The following RBFOX1 variants were observed in gnomAD, a reference collection of about 807,000 sequenced individuals.
RBFOX1 encodes the protein RNA binding fox-1 homolog 1.
In RBFOX1, 8 loss-of-function variants were observed where a neutral mutation model predicts 57.7. The observed-to-expected ratio is 0.14, with a 90% confidence interval of 0.08 to 0.25. The LOEUF (loss-of-function observed/expected upper bound fraction) is 0.25. Ranked by LOEUF, RBFOX1 falls within the 10% of genes least tolerant of loss-of-function variation. The pLI is 1.00. For synonymous variants in RBFOX1, 326 were observed against 222.4 expected (o/e 1.47, Z -4.15); for missense variants, 611 against 548.5 (o/e 1.11, Z -1.14).
chr16:5,673,985 A>T (rs1264388757), intron 3 of RBFOX1, among the ~76,000 whole-genome samples: 2 of 152,238 alleles, frequency 1.3e-5, no homozygotes, highest in Non-Finnish European at 2.9e-5. Context: ...AGGAAAGATA[A>T]CAAGTGCTTC....
chr16:5,303,919 G>T (rs1252843403), intron 1 of RBFOX1, among the ~76,000 whole-genome samples: 4 of 152,134 alleles, frequency 2.6e-5, no homozygotes, highest in Non-Finnish European at 1.5e-5. Context: ...ACAAGGCACC[G>T]TGGGAGTACC....
intron 3 of RBFOX1, among the ~76,000 whole-genome samples, chr16:6,973,774 T>A (rs979087565): frequency 6.6e-6 from 1 of 152,138 alleles, no homozygotes. Flanking sequence ...ACCGGTAGTT[T>A]TTAATTTTTA....
chr16:6,503,729 T>A (rs2096007851), intron 2 of RBFOX1, among the ~76,000 whole-genome samples: 1 of 152,188 alleles, frequency 6.6e-6, no homozygotes, highest in Non-Finnish European at 1.5e-5. Context: ...TGATGTCTAC[T>A]GGACCAAATC....
chr16:7,054,388 C>T (rs1280832674), intron 4 of RBFOX1, among the ~76,000 whole-genome samples: 4 of 151,608 alleles, frequency 2.6e-5, no homozygotes, highest in South Asian at 2.1e-4. Context: ...TACAGGCACG[C>T]GCCACCACGC....
chr16:7,289,677 C>T (rs1603503850), intron 4 of RBFOX1, among the ~76,000 whole-genome samples: 1 of 152,150 alleles, frequency 6.6e-6, no homozygotes, highest in Non-Finnish European at 1.5e-5. Flanking sequence ...TCATCATTAT[C>T]ACAATTATCC....
At chr16:5,586,787 A>G (rs1268201860) in intron 2 of RBFOX1, among the ~76,000 whole-genome samples, 1 of 152,208 alleles carries the variant, frequency 6.6e-6, no homozygotes, top group Admixed American at 6.5e-5. Flanking sequence ...GTAAGCCACC[A>G]TGGCTGGCCC....
chr16:6,525,285 C>G (rs2096563001), intron 2 of RBFOX1, among the ~76,000 whole-genome samples: 1 of 152,178 alleles, frequency 6.6e-6, no homozygotes, highest in Non-Finnish European at 1.5e-5. Context: ...TTATCAAATC[C>G]TAAACTTACT....
At chr16:7,518,415 G>A (rs370248509) in intron 5 of RBFOX1, 26 bp downstream of exon 5, 123 of 1,589,568 alleles carry the variant, frequency 7.7e-5, no homozygotes, top group Non-Finnish European at 1.0e-4. Flanking sequence ...TGCTACGGGT[G>A]GGAGGTTATG....
intron 4 of RBFOX1, among the ~76,000 whole-genome samples, chr16:5,917,229 C>G (rs1386628727): frequency 6.6e-6 from 1 of 152,150 alleles, no homozygotes; most frequent in East Asian, 1.9e-4. Flanking sequence ...AGAGGAGAGA[C>G]TTGCTAAAGG....
chr16:5,695,795 G>T (rs73516392), intron 3 of RBFOX1, among the ~76,000 whole-genome samples: 8,128 of 152,200 alleles, frequency 0.053, 732 homozygotes, highest in African/African-American at 0.19. Context: ...ACATTTAGAT[G>T]CTCTTCTAAA....
At chr16:6,901,380 A>G (rs2068446693) in intron 3 of RBFOX1, among the ~76,000 whole-genome samples, 1 of 152,182 alleles carries the variant, frequency 6.6e-6, no homozygotes, top group Admixed American at 6.5e-5. Context: ...GTGCAAAATC[A>G]AAGTGAACAG....
chr16:6,535,131 T>G (rs1196316643), intron 2 of RBFOX1, among the ~76,000 whole-genome samples: 2 of 152,154 alleles, frequency 1.3e-5, no homozygotes, highest in African/African-American at 4.8e-5. Context: ...CAACTGCAGT[T>G]AGAGTGGAAA....
intron 3 of RBFOX1, among the ~76,000 whole-genome samples, chr16:5,778,092 CAT>C (rs1355890092): frequency 2.0e-5 from 3 of 152,116 alleles, no homozygotes; most frequent in Non-Finnish European, 4.4e-5. Flanking sequence ...GGTGGATCCT[CAT>C]TCCAGCTTTG....
chr16:6,578,498 A>G (rs1407196518), intron 2 of RBFOX1, among the ~76,000 whole-genome samples: 1 of 151,788 alleles, frequency 6.6e-6, no homozygotes, highest in African/African-American at 2.4e-5. Flanking sequence ...CCATGGTAAA[A>G]TGAAGCTGTG....
intron 4 of RBFOX1, among the ~76,000 whole-genome samples, chr16:7,477,322 T>C (rs557989303): frequency 6.6e-6 from 1 of 152,312 alleles, no homozygotes; most frequent in East Asian, 1.9e-4. Flanking sequence ...ATCATCTATT[T>C]CAGTTTGTAT....
chr16:6,550,606 A>G (rs1057248317), intron 2 of RBFOX1, among the ~76,000 whole-genome samples: 2 of 152,310 alleles, frequency 1.3e-5, no homozygotes, highest in Non-Finnish European at 2.9e-5. Flanking sequence ...GATTACAGGC[A>G]TGTGCCACTG....
intron 3 of RBFOX1, among the ~76,000 whole-genome samples, chr16:6,691,361 C>T (rs561439749): frequency 6.6e-6 from 1 of 152,152 alleles, no homozygotes; most frequent in Non-Finnish European, 1.5e-5. Context: ...TGCCATCATT[C>T]TTCACTCTTC....
At chr16:7,401,180 T>C (rs1224872582) in intron 4 of RBFOX1, among the ~76,000 whole-genome samples, 1 of 152,226 alleles carries the variant, frequency 6.6e-6, no homozygotes, top group African/African-American at 2.4e-5. Flanking sequence ...AAATGTATCT[T>C]CATTGCATTT....
At chr16:6,176,751 G>C (rs1217267466) in intron 1 of RBFOX1, among the ~76,000 whole-genome samples, 1 of 151,450 alleles carries the variant, frequency 6.6e-6, no homozygotes, top group African/African-American at 2.4e-5. Flanking sequence ...GCTAAAACCA[G>C]ATAAACATGT....
Sources: allele counts gnomAD v4.1 joint callset (sites outside exome capture counted in the v4.1 genomes callset), GRCh38; gene constraint gnomAD v4.1.1; transcripts MANE v1.5; gene names NCBI Gene and HGNC (gene_info 2026-07-23, HGNC 2026-07-21).